Variants in WWC2 observed in about 807,000 individuals in gnomAD.
The protein encoded by WWC2 is protein WWC2.
In WWC2, 101 loss-of-function variants were observed where a neutral mutation model predicts 138.5. That is an observed-to-expected ratio of 0.73 (90% confidence interval 0.62 to 0.86). WWC2 has a LOEUF of 0.86. Among genes scored for constraint, WWC2 ranks in the 40% least tolerant of loss-of-function variants. WWC2 has a pLI of 0.00. For missense variants in WWC2, 1,420 were observed against 1,419.4 expected (o/e 1.00, Z -0.01); for synonymous variants, 558 against 538.4 (o/e 1.04, Z -0.50).
chr4:183,252,721 TA>T (rs562463762), intron 8 of WWC2, among the ~76,000 whole-genome samples: 103 of 152,274 alleles, frequency 6.8e-4, no homozygotes, highest in African/African-American at 2.4e-3. Flanking sequence ...CAATAATGTA[TA>T]AAGTGTCAGT....
chr4:183,228,817 C>G (rs550042053), intron 4 of WWC2, among the ~76,000 whole-genome samples: 12 of 152,138 alleles, frequency 7.9e-5, no homozygotes, highest in Admixed American at 7.8e-4. Context: ...AGTGTGTAGC[C>G]TGTGTCTGGA....
At chr4:183,131,879 T>C (rs567982518) in intron 1 of WWC2, among the ~76,000 whole-genome samples, 1 of 152,348 alleles carries the variant, frequency 6.6e-6, no homozygotes, top group South Asian at 2.1e-4. Context: ...ATTTCATTTT[T>C]TTCTCCTGTA....
intron 1 of WWC2, among the ~76,000 whole-genome samples, chr4:183,101,292 G>A (rs1743172701): frequency 2.0e-5 from 3 of 152,176 alleles, no homozygotes; most frequent in Admixed American, 1.3e-4. Context: ...AATAGAAAGT[G>A]GAGTGAAATT....
chr4:183,261,487 G>T lies in WWC2; in HGVS notation c.1864G>T (p.Asp622Tyr), dbSNP rs756274011. The change falls in exon 11 of 23, where the codon GAC becomes TAC. Residue 622 changes from aspartate (D) to tyrosine (Y), a missense_variant. Asp to Tyr is a radical substitution (Grantham distance 160). Coordinates refer to ENST00000403733, the MANE Select transcript of WWC2 (RefSeq NM_024949.6). ...GASQSLSEDKDLNECAREPLY... is the reference protein window; with the variant it reads ...GASQSLSEDKYLNECAREPLY... Reference sequence around the variant, plus strand: ...CTCCCAGTCTCTTTCAGAGGATAAAGACCTTAATGAATGTGCTAGGGAGCC... The same window carrying T: ...CTCCCAGTCTCTTTCAGAGGATAAATACCTTAATGAATGTGCTAGGGAGCC... 38 of 1,612,768 alleles carry T rather than the reference G, an allele frequency of 2.4e-5. No individual in the cohort carries two copies. The Admixed American group carries it at 6.0e-4, about 26-fold the overall frequency.
intron 21 of WWC2, among the ~76,000 whole-genome samples, chr4:183,310,667 ATTTTTT>A (rs33923162): frequency 7.6e-6 from 1 of 130,970 alleles, no homozygotes; most frequent in Non-Finnish European, 1.6e-5. Flanking sequence ...CACCTAGCTA[ATTTTTT>A]TTTTTTTTTT....
chr4:183,118,221 G>T (rs1732488358), intron 1 of WWC2, among the ~76,000 whole-genome samples: 1 of 152,154 alleles, frequency 6.6e-6, no homozygotes, highest in African/African-American at 2.4e-5. Flanking sequence ...TGGATTCAGG[G>T]TAAAGAGCCT....
intron 16 of WWC2, among the ~76,000 whole-genome samples, chr4:183,273,468 C>T (rs1230934176): frequency 1.3e-5 from 2 of 152,066 alleles, no homozygotes; most frequent in Non-Finnish European, 2.9e-5. Flanking sequence ...CCATGCCCAG[C>T]TAATTTTGTA....
At chr4:183,307,141 T>A (rs1739049657) in intron 21 of WWC2, among the ~76,000 whole-genome samples, 1 of 152,188 alleles carries the variant, frequency 6.6e-6, no homozygotes, top group South Asian at 2.1e-4. Flanking sequence ...ACTGTCTGTT[T>A]TTACCACAGT....
At chr4:183,312,732 T>C (rs184885751) in intron 22 of WWC2, among the ~76,000 whole-genome samples, 2 of 152,336 alleles carry the variant, frequency 1.3e-5, no homozygotes, top group Admixed American at 6.5e-5. Context: ...CTGGGCTATC[T>C]TGACACAGGA....
intron 20 of WWC2, among the ~76,000 whole-genome samples, chr4:183,286,765 C>T (rs1738267515): frequency 6.6e-6 from 1 of 152,126 alleles, no homozygotes; most frequent in Admixed American, 6.6e-5. Flanking sequence ...TGACGGCGAA[C>T]TCACACCCTC....
Position 183,286,002 on chromosome 4 carries a change from T to TA in WWC2, c.3090dup (p.Ser1031IlefsTer25), listed in dbSNP as rs1362866310. 2 of 1,595,998 alleles carry TA rather than the reference T, an allele frequency of 1.3e-6. No homozygotes were observed. Among genetic ancestry groups the TA allele is most frequent in the South Asian group, 2.3e-5 (2 of 88,078 alleles). On this transcript the variant is annotated frameshift_variant, in exon 20 of 23. Transcript: ENST00000403733. LOFTEE classifies it high-confidence loss of function. ...GTGACAGTGACAGTTCAACCCTGGC[T>TA]AAAAAATCACTGTTTGTGAGAAACT...
chr4:183,110,103 T>C (rs1732185990), intron 1 of WWC2, among the ~76,000 whole-genome samples: 1 of 152,172 alleles, frequency 6.6e-6, no homozygotes, highest in Non-Finnish European at 1.5e-5. Flanking sequence ...AGAGATTGCT[T>C]TTGTGGTGTA....
chr4:183,196,633 T>C (rs1348264444), intron 2 of WWC2, among the ~76,000 whole-genome samples: 1 of 152,204 alleles, frequency 6.6e-6, no homozygotes, highest in Non-Finnish European at 1.5e-5. Flanking sequence ...GGCCTCTCCT[T>C]TTTCATCTCC....
At chr4:183,273,956 G>A (rs1737776006) in intron 16 of WWC2, among the ~76,000 whole-genome samples, 1 of 152,116 alleles carries the variant, frequency 6.6e-6, no homozygotes, top group Non-Finnish European at 1.5e-5. Context: ...ATGTGGATAT[G>A]CAGTTGTCCC....
intron 21 of WWC2, among the ~76,000 whole-genome samples, chr4:183,306,881 C>CAAAAAAAAAAAAAAAAAAAA (rs55750701): frequency 3.5e-5 from 3 of 85,114 alleles, no homozygotes; most frequent in Non-Finnish European, 4.5e-5. Context: ...ATATATGAGG[C>CAAAAAAAAAAAAAAAAAAAA]AAAAAAAAAA....
rs3749594 is a variant in WWC2 at position 183,286,209 on chromosome 4, A to G, written c.3141+150A>G. ...GCCACTGGGATACACAGAGACGCAG[A>G]TGCCATGGCCACTATGGAGATGGGG... On this transcript the variant is annotated intron_variant, in intron 20 of 22. Transcript: ENST00000403733. 70,234 of 704,332 alleles carry G rather than the reference A, an allele frequency of 0.1. 4,255 individuals carry two copies. Among genetic ancestry groups the G allele is most frequent in the South Asian group, 0.16 (9,214 of 56,088 alleles). 43.6% of individuals were successfully genotyped at this position (704,332 alleles called of 1,614,324 possible).
intron 1 of WWC2, among the ~76,000 whole-genome samples, chr4:183,161,935 T>C (rs543088581): frequency 3.9e-5 from 6 of 152,308 alleles, no homozygotes; most frequent in Admixed American, 2.0e-4. Flanking sequence ...AGATATGTAC[T>C]CATAGGAACG....
At chr4:183,210,796 G>A (rs1735574353) in intron 4 of WWC2, among the ~76,000 whole-genome samples, 1 of 152,178 alleles carries the variant, frequency 6.6e-6, no homozygotes, top group Non-Finnish European at 1.5e-5. Flanking sequence ...CATATTGTAA[G>A]TACATTCAGT....
At chr4:183,301,690 G>A (rs1468743864) in intron 21 of WWC2, among the ~76,000 whole-genome samples, 1 of 152,172 alleles carries the variant, frequency 6.6e-6, no homozygotes, top group African/African-American at 2.4e-5. Flanking sequence ...AGTGAGTTTA[G>A]GATATTTTTG....
Sources: allele counts gnomAD v4.1 joint callset (sites outside exome capture counted in the v4.1 genomes callset), GRCh38; gene constraint gnomAD v4.1.1; transcripts MANE v1.5; gene names NCBI Gene and HGNC (gene_info 2026-07-23, HGNC 2026-07-21).